Variants in SDCCAG8 observed in about 807,000 individuals in gnomAD.
SDCCAG8 encodes the protein SHH signaling and ciliogenesis regulator SDCCAG8, also known as serologically defined colon cancer antigen 8.
A neutral mutation model predicts 101.8 loss-of-function variants in SDCCAG8; 74 were observed. The ratio of observed to expected loss-of-function variants is 0.73; its 90% CI spans 0.60 to 0.88. The LOEUF (loss-of-function observed/expected upper bound fraction) is 0.88, where lower values mean the gene tolerates loss of function less well. Ranked by LOEUF, SDCCAG8 falls within the 40% of genes least tolerant of loss-of-function variation. The pLI is 0.00. For synonymous variants in SDCCAG8, 281 were observed against 292.9 expected (o/e 0.96, Z 0.41); for missense variants, 787 against 822.6 (o/e 0.96, Z 0.53).
intron 12 of SDCCAG8, among the ~76,000 whole-genome samples, chr1:243,366,885 C>CAT (rs2077018886): frequency 1.3e-5 from 2 of 151,774 alleles, no homozygotes; most frequent in South Asian, 2.1e-4. Flanking sequence ...CCATCTGGAT[C>CAT]ATATATATAT....
intron 12 of SDCCAG8, among the ~76,000 whole-genome samples, chr1:243,361,120 T>A (rs887794358): frequency 3.3e-5 from 5 of 152,202 alleles, no homozygotes; most frequent in African/African-American, 1.2e-4. Context: ...CAGGTTTATG[T>A]CACTGGTTAG....
At chr1:243,290,715 T>C (rs1288765902) in intron 5 of SDCCAG8, among the ~76,000 whole-genome samples, 1 of 152,222 alleles carries the variant, frequency 6.6e-6, no homozygotes, top group African/African-American at 2.4e-5. Context: ...CTTCTTCGAA[T>C]GCCCTTTCCA....
intron 9 of SDCCAG8, among the ~76,000 whole-genome samples, chr1:243,327,060 G>T (rs776401892): frequency 2.0e-5 from 3 of 151,930 alleles, no homozygotes; most frequent in Non-Finnish European, 4.4e-5. Context: ...TCTGCTGGGT[G>T]GGGGGAATGT....
chr1:243,345,466 T>TG (rs34258364), intron 12 of SDCCAG8, among the ~76,000 whole-genome samples: 1 of 152,178 alleles, frequency 6.6e-6, no homozygotes, highest in Non-Finnish European at 1.5e-5. Context: ...TGCATCCAGT[T>TG]GGGGGCGTGC....
At chr1:243,498,474 C>G (rs1335486743) in intron 17 of SDCCAG8, among the ~76,000 whole-genome samples, 1 of 152,160 alleles carries the variant, frequency 6.6e-6, no homozygotes, top group African/African-American at 2.4e-5. Context: ...GGCCTCCTGC[C>G]GGAGCCCCAC....
At chr1:243,419,697 C>G (rs1018826424) in intron 15 of SDCCAG8, among the ~76,000 whole-genome samples, 2 of 152,140 alleles carry the variant, frequency 1.3e-5, no homozygotes, top group Non-Finnish European at 2.9e-5. Context: ...TTTCTGGTTC[C>G]AAAGTATACG....
At chr1:243,375,177 C>T (rs1164676227) in intron 12 of SDCCAG8, among the ~76,000 whole-genome samples, 4 of 151,876 alleles carry the variant, frequency 2.6e-5, no homozygotes, top group Admixed American at 6.6e-5. Context: ...CCCTTCTTCA[C>T]GTAAGAAAGG....
chr1:243,431,860 T>C (rs1381366539), intron 16 of SDCCAG8, among the ~76,000 whole-genome samples: 2 of 152,200 alleles, frequency 1.3e-5, no homozygotes, highest in South Asian at 2.1e-4. Flanking sequence ...TACACAGTTT[T>C]ACAGGAGTTT....
At chr1:243,294,506 C>CAAGAGAGAGAGAGAGAGAGAGAGA (rs369308882) in intron 6 of SDCCAG8, among the ~76,000 whole-genome samples, 10 of 105,934 alleles carry the variant, frequency 9.4e-5, no homozygotes, top group Admixed American at 1.2e-4. Flanking sequence ...AGAGAAAGAG[C>CAAGAGAGAGAGAGAGAGAGAGAGA]GAGAGAGAGA....
chr1:243,433,787 CA>C (rs2081956382), intron 16 of SDCCAG8, among the ~76,000 whole-genome samples: 1 of 152,210 alleles, frequency 6.6e-6, no homozygotes, highest in Non-Finnish European at 1.5e-5. Flanking sequence ...CCAGAAGACT[CA>C]CCCCGAGTAT....
At position 243,499,959 on chromosome 1, in the gene SDCCAG8, G is replaced by A; in HGVS notation, c.*174G>A. 1 of 668,762 alleles carries A rather than the reference G, an allele frequency of 1.5e-6. No individual in the cohort carries two copies. Among genetic ancestry groups the A allele is most frequent in the South Asian group, 1.7e-5 (1 of 60,420 alleles). The allele number at this position is 668,762 out of a possible 1,614,324, so 41.4% of individuals were successfully genotyped here. A position where few individuals can be genotyped will look rare whatever the true frequency, so the allele number is the denominator to read the frequency against. On this transcript the variant is annotated 3_prime_UTR_variant, in exon 18 of 18. Coordinates refer to ENST00000366541, the MANE Select transcript of SDCCAG8 (RefSeq NM_006642.5). ...TGTCCCCGCACGCAGTCGGGCTGGA[G>A]CTGGAGTCTGACTCTAGCTGAGCAG...
rs1269562537 is a variant in SDCCAG8, at chr1:243,430,604, A to T, written c.1985+4046A>T. Among the ~76,000 whole-genome samples the T allele has an allele frequency of 4.0e-5, 6 of 151,558 alleles. No homozygotes were observed. The South Asian group carries it at 1.3e-3, about 32-fold the overall frequency. On this transcript the variant is annotated intron_variant, in intron 16 of 17. Coordinates refer to ENST00000366541, the MANE Select transcript of SDCCAG8 (RefSeq NM_006642.5). ...CAGGCGCCCACCACCACGCCCGGCT[A>T]ATTTTTTGTATTTTTAGTAGAGACG...
intron 2 of SDCCAG8, 64 bp from the exon 3 acceptor site, chr1:243,270,914 G>A (rs1364308138): frequency 2.6e-6 from 3 of 1,162,854 alleles, no homozygotes; most frequent in Non-Finnish European, 3.9e-6. Context: ...TGGAAGGATG[G>A]ATGGGTGGTA....
At chr1:243,264,972 C>T (rs1454695114) in intron 1 of SDCCAG8, among the ~76,000 whole-genome samples, 4 of 152,122 alleles carry the variant, frequency 2.6e-5, no homozygotes, top group African/African-American at 7.2e-5. Context: ...GGATAGGAAA[C>T]GGTAACTGGA....
Position 243,416,688 on chromosome 1 carries a change from G to C in SDCCAG8, c.1744+859G>C, listed in dbSNP as rs2080608071. On this transcript the variant is annotated intron_variant, in intron 14 of 17. Coordinates refer to ENST00000366541, the MANE Select transcript of SDCCAG8 (RefSeq NM_006642.5). This position sits in a 1 kb window ranked among gnomAD's most constrained non-coding sequence, Gnocchi z 4.3. ...AGACAGTTTGATTTGTTCAGTCAGAGCATTATGTAGTTTCTTTCACTTTTG... is the reference window on the plus strand; with the variant it reads ...AGACAGTTTGATTTGTTCAGTCAGACCATTATGTAGTTTCTTTCACTTTTG... Among the ~76,000 whole-genome samples the C allele has an allele frequency of 6.6e-6, 1 of 152,166 alleles. No individual in the cohort carries two copies. Among genetic ancestry groups the C allele is most frequent in the African/African-American group, 2.4e-5 (1 of 41,436 alleles).
At chr1:243,481,512 C>T (rs990745494) in intron 16 of SDCCAG8, among the ~76,000 whole-genome samples, 8 of 152,120 alleles carry the variant, frequency 5.3e-5, no homozygotes, top group Non-Finnish European at 1.0e-4. Context: ...AGTAAATGCT[C>T]AGTAAACATT....
Position 243,484,645 on chromosome 1 carries a change from G to GT in SDCCAG8, c.1986-4361dup, listed in dbSNP as rs1042734085. Among the ~76,000 whole-genome samples the GT allele has an allele frequency of 1.1e-4, 16 of 152,210 alleles. No individual in the cohort carries two copies. The Middle Eastern group carries it at 0.01, about 97-fold the overall frequency. On this transcript the variant is annotated intron_variant, in intron 16 of 17. Transcript: ENST00000366541. Reference sequence around the variant, plus strand: ...TCAGTGTCCTGTTTGAGTTGAGCATGTTTTTTTTACAAGTGAGTCTCTCCT... The same window carrying GT: ...TCAGTGTCCTGTTTGAGTTGAGCATGTTTTTTTTTACAAGTGAGTCTCTCCT...
chr1:243,348,027 T>A (rs951760599), intron 12 of SDCCAG8, among the ~76,000 whole-genome samples: 4 of 149,836 alleles, frequency 2.7e-5, no homozygotes, highest in African/African-American at 9.8e-5. Flanking sequence ...CATGCATTTT[T>A]TTTTTTTTTC....
At chr1:243,348,202 ATTTTTTTT>A (rs74162279) in intron 12 of SDCCAG8, among the ~76,000 whole-genome samples, 98 of 131,626 alleles carry the variant, frequency 7.4e-4, no homozygotes, top group Admixed American at 1.2e-3. Context: ...CGCCCGGCTA[ATTTTTTTT>A]TTTTTTTTTT....
Sources: allele counts gnomAD v4.1 joint callset (sites outside exome capture counted in the v4.1 genomes callset), GRCh38; gene constraint gnomAD v4.1.1; non-coding constraint Gnocchi (gnomAD v3.1); transcripts MANE v1.5; gene names NCBI Gene and HGNC (gene_info 2026-07-23, HGNC 2026-07-21).